BRSK1: variants seen among roughly 807,000 people sequenced by gnomAD.
BRSK1 encodes BR serine/threonine kinase 1, also known as serine/threonine-protein kinase BRSK1.
Under a neutral mutation model 86.2 loss-of-function variants are expected in BRSK1, and 17 were observed. The ratio of observed to expected loss-of-function variants is 0.20; its 90% CI spans 0.14 to 0.30. The LOEUF is 0.30. Ranked by LOEUF, BRSK1 falls within the 10% of genes least tolerant of loss-of-function variation. The pLI is 1.00. For synonymous variants in BRSK1, 464 were observed against 440.1 expected (o/e 1.05, Z -0.68); for missense variants, 719 against 1,071.9 (o/e 0.67, Z 4.60).
chr19:55,304,733 C>A lies in BRSK1; in HGVS notation c.1530C>A (p.Arg510=). The part of the protein sequence containing the change: ...TPLPGPPGSP[R]SSGGTPLHSP... ...TGCCCGGCCCCCCAGGCTCCCCGCGCTCCTCTGGCGGGACCCCCTTGCACT... is the reference window on the plus strand; with the variant it reads ...TGCCCGGCCCCCCAGGCTCCCCGCGATCCTCTGGCGGGACCCCCTTGCACT... Residue 510 remains arginine (R), a synonymous_variant, in exon 14 of 19, where the codon CGC becomes CGA. Transcript: ENST00000309383. This position sits in a 1 kb window ranked among gnomAD's most constrained non-coding sequence, Gnocchi z 5.2. The A allele has an allele frequency of 6.6e-7, 1 of 1,524,320 alleles. No individual in the cohort carries two copies. Among genetic ancestry groups the A allele is most frequent in the South Asian group, 1.2e-5 (1 of 82,348 alleles). The allele number at this position is 1,524,320 out of a possible 1,614,324, so 94.4% of individuals were successfully genotyped here.
chr19:55,293,323 T>C (rs1412049207), intron 4 of BRSK1, among the ~76,000 whole-genome samples: 1 of 152,028 alleles, frequency 6.6e-6, no homozygotes, highest in Non-Finnish European at 1.5e-5. Context: ...AGAGCGAGAC[T>C]TCGTCTCAAA....
Position 55,294,149 on chromosome 19 carries a change from G to A in BRSK1, c.575+16G>A. On this transcript the variant is annotated intron_variant, in intron 5 of 18. Transcript: ENST00000309383. This position sits in a 1 kb window ranked among gnomAD's most constrained non-coding sequence, Gnocchi z 4.9. Reference sequence around the variant, plus strand: ...CCAGCTGCGGGTGAGTGGGGACTGGGCTCCCGAGACCCTGGGCAGGGGTTT... The same window carrying A: ...CCAGCTGCGGGTGAGTGGGGACTGGACTCCCGAGACCCTGGGCAGGGGTTT... The A allele has an allele frequency of 6.2e-7, 1 of 1,611,700 alleles. No individual in the cohort carries two copies. The highest frequency in any genetic ancestry group is 1.1e-5 in the South Asian group (1 of 90,868).
At position 55,304,538 on chromosome 19, in the gene BRSK1, C is replaced by T. The variant is rs12977268; in HGVS notation, c.1348-13C>T. On this transcript the variant is annotated splice_polypyrimidine_tract_variant and intron_variant, in intron 13 of 18. Coordinates refer to ENST00000309383, the MANE Select transcript of BRSK1 (RefSeq NM_032430.2). This position sits in a 1 kb window ranked among gnomAD's most constrained non-coding sequence, Gnocchi z 5.2. ...TAGTCCACTCGCTTATCTCAGTCTC[C>T]TGTCCTCTGCAGAGTCCGGTCTTTT... The T allele has an allele frequency of 0.086, 133,791 of 1,559,850 alleles. 6,414 individuals are homozygous for T. The highest frequency in any genetic ancestry group is 0.12 in the Middle Eastern group (631 of 5,326).
intron 16 of BRSK1, among the ~76,000 whole-genome samples, chr19:55,305,935 T>G (rs963984478): frequency 3.3e-5 from 5 of 152,176 alleles, no homozygotes; most frequent in Non-Finnish European, 7.4e-5. Flanking sequence ...GACTTAGAGT[T>G]TCTGTGACAG....
At chr19:55,305,216 A>C (rs1045503077) in intron 14 of BRSK1, 105 bp from the exon 15 acceptor site, 3 of 1,462,346 alleles carry the variant, frequency 2.1e-6, no homozygotes, top group African/African-American at 2.8e-5. Context: ...CCGAGGCTGC[A>C]ACCCAAGGCT....
At position 55,304,980 on chromosome 19, in the gene BRSK1, T is replaced by A; in HGVS notation, c.1717+60T>A. 6.3e-7 allele frequency: 1 copy of A among 1,586,892 alleles called. No individual in the cohort carries two copies. The highest frequency in any genetic ancestry group is 1.1e-5 in the South Asian group (1 of 89,568). On this transcript the variant is annotated intron_variant, in intron 14 of 18. Coordinates refer to ENST00000309383, the MANE Select transcript of BRSK1 (RefSeq NM_032430.2). This position sits in a 1 kb window ranked among gnomAD's most constrained non-coding sequence, Gnocchi z 5.2. ...GGAGAGGTTGGGGCTAAAAATCTGGTTCCAGGGATGTCCGTCTGGCGTGTC... is the reference window on the plus strand; with the variant it reads ...GGAGAGGTTGGGGCTAAAAATCTGGATCCAGGGATGTCCGTCTGGCGTGTC...
chr19:55,284,507 C>G lies in BRSK1; in HGVS notation c.65C>G (p.Pro22Arg), dbSNP rs1600165992. The stretch of plus-strand genomic sequence containing the variant: ...GCCTACCACCTCCCCCACCCCCACC[C>G]CCACCCACCCCAGCACGCCCAATAT... ...SPAYHLPHPH[P>R]HPPQHAQYVG... is the part of the protein sequence containing the mutation. Residue 22 changes from proline (P) to arginine (R), a missense_variant, in exon 1 of 19, where the codon CCC (proline) becomes CGC (arginine). Pro to Arg is a moderately radical substitution (Grantham distance 103). This residue lies in a region of BRSK1 where 71 missense variants were observed against 92.6 expected (regional missense o/e 0.77). Coordinates refer to ENST00000309383, the MANE Select transcript of BRSK1 (RefSeq NM_032430.2). 2 of 1,232,970 alleles carry G rather than the reference C, an allele frequency of 1.6e-6. No homozygotes were observed. Among genetic ancestry groups the G allele is most frequent in the East Asian group, 6.2e-5 (2 of 32,112 alleles). 76.4% of individuals were successfully genotyped at this position (1,232,970 alleles called of 1,614,324 possible).
At chr19:55,296,424 G>A (rs935938455) in intron 7 of BRSK1, among the ~76,000 whole-genome samples, 3 of 152,120 alleles carry the variant, frequency 2.0e-5, no homozygotes, top group Non-Finnish European at 2.9e-5. Context: ...TTGTCCGGGC[G>A]CAATGACTCA....
Position 55,303,532 on chromosome 19 carries a change from C to T in BRSK1, c.1126+124C>T. 1.4e-6 allele frequency: 2 copies of T among 1,477,902 alleles called. No individual in the cohort carries two copies. Among genetic ancestry groups the T allele is most frequent in the Admixed American group, 3.8e-5 (2 of 52,420 alleles). The allele number at this position is 1,477,902 out of a possible 1,614,324, so 91.5% of individuals were successfully genotyped here. On this transcript the variant is annotated intron_variant, in intron 11 of 18. Coordinates refer to ENST00000309383, the MANE Select transcript of BRSK1 (RefSeq NM_032430.2). This position sits in a 1 kb window ranked among gnomAD's most constrained non-coding sequence, Gnocchi z 5.1. ...GCTCTGAGCTTCCAGCTTTAGACTG[C>T]TTGACTTGCTCTTTGACATTTATCA...
In BRSK1 at chr19:55,301,673, G is replaced by T; in HGVS notation, c.825+15G>T. ...AAAGGCTCAGTGTGAGTTGAGGGGG[G>T]GACCGGCGGAGGGGGGAACAGTGGC... On this transcript the variant is annotated intron_variant, in intron 8 of 18. Transcript: ENST00000309383. 1.2e-6 allele frequency: 2 copies of T among 1,607,790 alleles called. No individual in the cohort carries two copies. The highest frequency in any genetic ancestry group is 2.2e-5 in the East Asian group (1 of 44,730).
Position 55,304,764 on chromosome 19 carries a change from C to T in BRSK1, c.1561C>T (p.Leu521=), listed in dbSNP as rs756593664. The T allele has an allele frequency of 3.2e-6, 5 of 1,545,944 alleles. No homozygotes were observed. The highest frequency in any genetic ancestry group is 4.3e-6 in the Non-Finnish European group (5 of 1,150,296). ...SSGGTPLHSP[L]HTPRASPTGT... ...TGGCGGGACCCCCTTGCACTCGCCT[C>T]TGCACACGCCCCGGGCCAGTCCCAC... The change falls in exon 14 of 19, where the codon CTG becomes TTG. Residue 521 remains leucine (L), a synonymous_variant. Coordinates refer to ENST00000309383, the MANE Select transcript of BRSK1 (RefSeq NM_032430.2). The surrounding 1 kb of genome is among the most constrained non-coding windows in gnomAD (Gnocchi z 5.2).
chr19:55,302,036 G>T lies in BRSK1; in HGVS notation c.826-101G>T. 1.5e-6 allele frequency: 2 copies of T among 1,325,940 alleles called. No homozygotes were observed. 82.1% of individuals were successfully genotyped at this position (1,325,940 alleles called of 1,614,324 possible). ...ATCCTGCCCCCGGTGGGGTGGGCGG[G>T]GAGATGATCAGGGACCCCAAAACCA... On this transcript the variant is annotated intron_variant, in intron 8 of 18. Transcript: ENST00000309383. The surrounding 1 kb of genome is among the most constrained non-coding windows in gnomAD (Gnocchi z 6.3).
At chr19:55,292,363 A>T (rs1455227450) in intron 4 of BRSK1, among the ~76,000 whole-genome samples, 4 of 152,140 alleles carry the variant, frequency 2.6e-5, no homozygotes, top group Non-Finnish European at 5.9e-5. Context: ...TTACAGATAA[A>T]CTAATATGAC....
chr19:55,310,871 T>TG lies in BRSK1; in HGVS notation c.2180-1034dup, dbSNP rs553717327. The stretch of plus-strand genomic sequence containing the variant: ...GAAGATGTAGGACTAACAGGCACCC[T>TG]GGGGGGCTCAGCCACCATCTCATAA... On this transcript the variant is annotated intron_variant, in intron 18 of 18. Transcript: ENST00000309383. The surrounding 1 kb of genome is among the most constrained non-coding windows in gnomAD (Gnocchi z 5.0). Among the ~76,000 whole-genome samples, 5 of 152,222 alleles carry TG rather than the reference T, an allele frequency of 3.3e-5. No homozygotes were observed. The highest frequency in any genetic ancestry group is 1.2e-4 in the African/African-American group (5 of 41,542).
At chr19:55,301,444 C>G in intron 7 of BRSK1, 68 bp from the exon 8 acceptor site, 2 of 1,553,768 alleles carry the variant, frequency 1.3e-6, no homozygotes, top group South Asian at 1.2e-5. Flanking sequence ...CACCGTAGTT[C>G]CCCACCTCCA....
In BRSK1 at chr19:55,302,595, G is replaced by A; in HGVS notation, c.858-102G>A. On this transcript the variant is annotated intron_variant, in intron 9 of 18. Transcript: ENST00000309383. The surrounding 1 kb of genome is among the most constrained non-coding windows in gnomAD (Gnocchi z 6.3). Reference sequence around the variant, plus strand: ...CCTGGGTATGAGAGAGAAGGGGCCGGGGCCTAGACTCGGATTTCGGGGTCC... The same window carrying A: ...CCTGGGTATGAGAGAGAAGGGGCCGAGGCCTAGACTCGGATTTCGGGGTCC... 7.0e-7 allele frequency: 1 copy of A among 1,438,338 alleles called. No individual in the cohort carries two copies. The highest frequency in any genetic ancestry group is 9.5e-7 in the Non-Finnish European group (1 of 1,056,558). The allele number at this position is 1,438,338 out of a possible 1,614,324, so 89.1% of individuals were successfully genotyped here. A position where few individuals can be genotyped will look rare whatever the true frequency, so the allele number is the denominator to read the frequency against.
rs772512623 is a variant in BRSK1, at chr19:55,306,322, C to G, written c.1961C>G (p.Pro654Arg). 3 of 1,614,148 alleles carry G rather than the reference C, an allele frequency of 1.9e-6. No homozygotes were observed. The South Asian group carries it at 3.3e-5, about 18-fold the overall frequency. Reference sequence around the variant, plus strand: ...GCCGAGTACAAGGCCAGTGGCGGCCCCTCCGTCTTCCAAAAGCCCGTCCGC... The same window carrying G: ...GCCGAGTACAAGGCCAGTGGCGGCCGCTCCGTCTTCCAAAAGCCCGTCCGC... ...FRAEYKASGG[P>R]SVFQKPVRFQ... Residue 654 changes from proline (P) to arginine (R), a missense_variant, in exon 17 of 19, where the codon CCC (proline) becomes CGC (arginine). By Grantham distance (103) the Pro-to-Arg change is moderately radical. Coordinates refer to ENST00000309383, the MANE Select transcript of BRSK1 (RefSeq NM_032430.2). This position sits in a 1 kb window ranked among gnomAD's most constrained non-coding sequence, Gnocchi z 4.7.
chr19:55,289,464 C>T lies in BRSK1; in HGVS notation c.318-16C>T. On this transcript the variant is annotated splice_polypyrimidine_tract_variant and intron_variant, in intron 3 of 18. Coordinates refer to ENST00000309383, the MANE Select transcript of BRSK1 (RefSeq NM_032430.2). ...ACATGCCCCTTCCAGCCCTCTGCCC[C>T]CTCTATATCCTTTAGGTACCTGGTT... is the stretch of plus-strand genomic sequence containing the variant. The T allele has an allele frequency of 2.5e-6, 4 of 1,607,302 alleles. No individual in the cohort carries two copies. Among genetic ancestry groups the T allele is most frequent in the Non-Finnish European group, 3.4e-6 (4 of 1,176,964 alleles).
chr19:55,300,563 G>A (rs546087609), intron 7 of BRSK1, among the ~76,000 whole-genome samples: 154 of 152,264 alleles, frequency 1.0e-3, no homozygotes, highest in African/African-American at 3.5e-3. Context: ...ATTAGGCTGG[G>A]TGTGGTGGCT....
Sources: gnomAD v4.1 joint callset for allele counts (sites outside exome capture counted in the v4.1 genomes callset) on GRCh38, gnomAD v4.1.1 for gene constraint, gnomAD v4.1.1 regional missense constraint, Gnocchi (gnomAD v3.1) non-coding constraint, MANE v1.5 for transcripts, NCBI Gene and HGNC (gene_info 2026-07-23, HGNC 2026-07-21) for gene names.